Variants in ZNG1B observed in about 807,000 individuals in gnomAD.
The protein encoded by ZNG1B is Zn regulated GTPase metalloprotein activator 1B.
chr2:113,457,759 A>AG, the ZNG1B span, among the ~76,000 whole-genome samples: 2 of 138,988 alleles, frequency 1.4e-5, no homozygotes. Flanking sequence ...TATTTTTTTG[A>AG]GGGGGGTGGT....
chr2:113,490,334 A>G, the ZNG1B span, among the ~76,000 whole-genome samples: 2 of 152,276 alleles, frequency 1.3e-5, no homozygotes, highest in Admixed American at 1.3e-4. Context: ...CAACCTATCA[A>G]CCTCTGGGAT....
chr2:113,472,689 C>T, the ZNG1B span, among the ~76,000 whole-genome samples: 1 of 151,840 alleles, frequency 6.6e-6, no homozygotes, highest in Non-Finnish European at 1.5e-5. Context: ...GATCCGGTTT[C>T]AGCTTTCTAC....
At chr2:113,476,065 G>A in the ZNG1B span, among the ~76,000 whole-genome samples, 5 of 151,808 alleles carry the variant, frequency 3.3e-5, no homozygotes, top group East Asian at 5.8e-4. Flanking sequence ...AGTTCTCCTG[G>A]ATAATATCCT....
chr2:113,492,458 A>G, the ZNG1B span, among the ~76,000 whole-genome samples: 1 of 89,584 alleles, frequency 1.1e-5, no homozygotes, highest in African/African-American at 4.2e-5. Context: ...ATGCAAAGGC[A>G]TAAGAATGAC....
chr2:113,472,328 GTTGT>G, the ZNG1B span, among the ~76,000 whole-genome samples: 16 of 152,028 alleles, frequency 1.1e-4, no homozygotes, highest in Non-Finnish European at 2.4e-4. Context: ...TTTTGATGGG[GTTGT>G]TTGTTTTTTT....
chr2:113,477,509 G>A, the ZNG1B span, among the ~76,000 whole-genome samples: 1 of 152,190 alleles, frequency 6.6e-6, no homozygotes, highest in Non-Finnish European at 1.5e-5. Context: ...GCTGTAGACC[G>A]GAGCTGTTCC....
chr2:113,452,855 T>C, the ZNG1B span, among the ~76,000 whole-genome samples: 1 of 147,510 alleles, frequency 6.8e-6, no homozygotes, highest in Middle Eastern at 3.4e-3. Flanking sequence ...TAAATTATTA[T>C]GGCATCGGTA....
chr2:113,467,087 A>C, the ZNG1B span, among the ~76,000 whole-genome samples: 3 of 150,804 alleles, frequency 2.0e-5, no homozygotes, highest in African/African-American at 7.3e-5. Context: ...AACAAACAAA[A>C]AAACCGGAGA....
At chr2:113,459,904 A>G in the ZNG1B span, among the ~76,000 whole-genome samples, 3,813 of 93,856 alleles carry the variant, frequency 0.041, 83 homozygotes, top group African/African-American at 0.068. Context: ...TATGAGGGGG[A>G]AAAAAAAAAC....
chr2:113,453,324 C>T, the ZNG1B span: 2 of 1,373,372 alleles, frequency 1.5e-6, no homozygotes, highest in South Asian at 2.6e-5. Context: ...ATGATCTCGG[C>T]TCACTGCAAC....
chr2:113,439,211 TC>T, the ZNG1B span: 12 of 1,401,776 alleles, frequency 8.6e-6, no homozygotes, highest in Non-Finnish European at 1.2e-5. Context: ...ATAGTTTCAC[TC>T]CTATCCCTGA....
At chr2:113,462,113 T>C in the ZNG1B span, among the ~76,000 whole-genome samples, 2 of 152,176 alleles carry the variant, frequency 1.3e-5, no homozygotes, top group Non-Finnish European at 2.9e-5. Context: ...TTGAGACTTA[T>C]CTTTGTAGCA....
chr2:113,476,773 G>A, the ZNG1B span, among the ~76,000 whole-genome samples: 7 of 152,152 alleles, frequency 4.6e-5, no homozygotes, highest in South Asian at 8.3e-4. Flanking sequence ...TGGAGTACCC[G>A]GCCGTGTGAG....
At chr2:113,467,063 CA>C in the ZNG1B span, among the ~76,000 whole-genome samples, 906 of 63,260 alleles carry the variant, frequency 0.014, 8 homozygotes, top group Non-Finnish European at 0.019. Flanking sequence ...GACTCTGTCT[CA>C]AAAAAAAAAA....
the ZNG1B span, chr2:113,465,947 G>C: frequency 1.0e-6 from 1 of 985,098 alleles, no homozygotes; most frequent in Non-Finnish European, 1.2e-6. Flanking sequence ...GGTGCTGCCA[G>C]ACTGCCATAA....
chr2:113,448,979 C>A, the ZNG1B span, among the ~76,000 whole-genome samples: 1 of 152,044 alleles, frequency 6.6e-6, no homozygotes, highest in South Asian at 2.1e-4. Context: ...TTAGCTACAT[C>A]TTCTAGGTAG....
chr2:113,485,977 T>G, the ZNG1B span, among the ~76,000 whole-genome samples: 1 of 147,322 alleles, frequency 6.8e-6, no homozygotes, highest in African/African-American at 2.5e-5. Context: ...TCAGCATACA[T>G]GGAAGAAGGA....
the ZNG1B span, among the ~76,000 whole-genome samples, chr2:113,455,839 G>C: frequency 8.1e-6 from 1 of 123,368 alleles, no homozygotes; most frequent in African/African-American, 3.2e-5. Context: ...CCTTGTCTCA[G>C]CCTCCTGAGT....
the ZNG1B span, among the ~76,000 whole-genome samples, chr2:113,439,423 C>A: frequency 6.6e-6 from 1 of 152,158 alleles, no homozygotes; most frequent in African/African-American, 2.4e-5. Flanking sequence ...CTGTTACCAT[C>A]CCCCCAAATC....
Sources: gnomAD v4.1 joint callset for allele counts (sites outside exome capture counted in the v4.1 genomes callset) on GRCh38, gnomAD v4.1.1 for gene constraint, MANE v1.5 for transcripts, NCBI Gene and HGNC (gene_info 2026-07-23, HGNC 2026-07-21) for gene names.